Variants in CALM3 observed in about 807,000 individuals in gnomAD.
CALM3 encodes calmodulin 3.
A neutral mutation model predicts 20.1 loss-of-function variants in CALM3; 5 were observed. That is an observed-to-expected ratio of 0.25 (90% CI 0.13 to 0.52). The LOEUF (loss-of-function observed/expected upper bound fraction) is 0.52, where lower values mean the gene tolerates loss of function less well. Among genes scored for constraint, CALM3 ranks in the 20% least tolerant of loss-of-function variants. The pLI, the probability that CALM3 is intolerant of heterozygous loss-of-function variation, is 0.96. For synonymous variants in CALM3, 69 were observed against 68.1 expected, an observed-to-expected ratio of 1.01 and a Z score of -0.06; for missense variants, 57 against 192.8, an observed-to-expected ratio of 0.30 and a Z score of 4.17.
upstream of CALM3, chr19:46,601,150 G>T: frequency 1.6e-6 from 1 of 612,882 alleles, no homozygotes; most frequent in South Asian, 2.1e-5. This position sits in a 1 kb window ranked among gnomAD's most constrained non-coding sequence, Gnocchi z 4.2. Context: ...TGTGCAGGGT[G>T]GGGACGAGAG....
In CALM3 at chr19:46,605,832, C is replaced by T. The variant is rs1463101364; in HGVS notation, c.9C>T (p.Asp3=). 5.0e-6 allele frequency: 8 copies of T among 1,614,112 alleles called. No homozygotes were observed. The highest frequency in any genetic ancestry group is 6.8e-6 in the Non-Finnish European group (8 of 1,179,958). MA[D]QLTEEQIAEF... is the part of the protein sequence containing the mutation. ...TCCCCTTCATGCTTTTACAGGCTGA[C>T]CAGCTGACTGAGGAGCAGATTGCAG... is the stretch of plus-strand genomic sequence containing the variant. The change falls in exon 2 of 6, where the codon GAC becomes GAT. Residue 3 remains aspartate (D), a synonymous_variant. Transcript: ENST00000291295. This position sits in a 1 kb window ranked among gnomAD's most constrained non-coding sequence, Gnocchi z 4.1.
chr19:46,608,687 G>C lies in CALM3; in HGVS notation c.285+99G>C, dbSNP rs1971798383. ...GGAGCTACCACTTCCAGGAGGTCCGGGTCCCGGTGCCAGCCTCATTGCCAA... is the reference window on the plus strand; with the variant it reads ...GGAGCTACCACTTCCAGGAGGTCCGCGTCCCGGTGCCAGCCTCATTGCCAA... On this transcript the variant is annotated intron_variant, in intron 4 of 5. Coordinates refer to ENST00000291295, the MANE Select transcript of CALM3 (RefSeq NM_005184.4). The surrounding 1 kb of genome is among the most constrained non-coding windows in gnomAD (Gnocchi z 5.5). 7.8e-7 allele frequency: 1 copy of C among 1,276,146 alleles called. No individual in the cohort carries two copies. Among genetic ancestry groups the C allele is most frequent in the African/African-American group, 1.5e-5 (1 of 67,852 alleles). The allele number at this position is 1,276,146 out of a possible 1,614,324, so 79.1% of individuals were successfully genotyped here.
intron 2 of CALM3, chr19:46,606,261 A>C (rs1242066969): frequency 5.0e-6 from 1 of 198,394 alleles, no homozygotes; most frequent in Non-Finnish European, 1.0e-5. Context: ...CTGGCTCGTC[A>C]CTCCCACCTC....
chr19:46,603,006 G>A (rs546814939), intron 1 of CALM3, among the ~76,000 whole-genome samples: 1 of 152,306 alleles, frequency 6.6e-6, no homozygotes, highest in East Asian at 1.9e-4. Flanking sequence ...TTCCATTCAG[G>A]GCCCTCGCTG....
intron 1 of CALM3, chr19:46,602,257 T>C (rs1363317333): frequency 7.6e-7 from 1 of 1,318,494 alleles, no homozygotes; most frequent in Non-Finnish European, 1.0e-6. Context: ...ACCCTTGGGG[T>C]TAATTTGGAA....
chr19:46,609,174 G>C lies in CALM3; in HGVS notation c.*21G>C, dbSNP rs2229577. 3.2e-4 allele frequency: 517 copies of C among 1,613,098 alleles called. 5 individuals carry two copies. The East Asian group carries it at 0.011, about 34-fold the overall frequency. ...AGTGAAGGCCCCCCGGGCAGCTGGC[G>C]ATGCCCGTTCTCTTGATCTCTCTCT... On this transcript the variant is annotated 3_prime_UTR_variant, in exon 6 of 6. Coordinates refer to ENST00000291295, the MANE Select transcript of CALM3 (RefSeq NM_005184.4).
intron 1 of CALM3, among the ~76,000 whole-genome samples, chr19:46,604,236 G>A (rs186324423): frequency 5.1e-4 from 78 of 152,260 alleles, no homozygotes; most frequent in African/African-American, 1.8e-3. Context: ...CAGGACCTAA[G>A]GGATGGCTCC....
At chr19:46,606,960 G>A (rs371264300) in intron 2 of CALM3, among the ~76,000 whole-genome samples, 2 of 152,176 alleles carry the variant, frequency 1.3e-5, no homozygotes, top group African/African-American at 4.8e-5. Context: ...CCCAGCTTCT[G>A]CGGTGGGAGG....
Position 46,609,120 on chromosome 19 carries a change from C to T in CALM3, c.422-5C>T. 6.2e-7 allele frequency: 1 copy of T among 1,614,126 alleles called. No homozygotes were observed. The highest frequency in any genetic ancestry group is 8.5e-7 in the Non-Finnish European group (1 of 1,180,008). On this transcript the variant is annotated splice_region_variant and splice_polypyrimidine_tract_variant and intron_variant, in intron 5 of 5. Transcript: ENST00000291295. ...GACCTCCTCTCTCTCTGCTTCACTC[C>T]ACAGAGTTTGTACAGATGATGACTG... is the stretch of plus-strand genomic sequence containing the variant.
rs141401724 is a variant in CALM3, at chr19:46,603,137, T to C, written c.3+1700T>C. On this transcript the variant is annotated intron_variant, in intron 1 of 5. Transcript: ENST00000291295. ...TGAGCCTGGGAACCGTGTGCAGCCA[T>C]CCTCCCTGGCAAGGCTGGGGAGAAC... Among the ~76,000 whole-genome samples the C allele has an allele frequency of 2.2e-3, 340 of 152,326 alleles. 2 individuals are homozygous for C. Among genetic ancestry groups the C allele is most frequent in the African/African-American group, 7.6e-3 (314 of 41,570 alleles).
At chr19:46,601,164 C>G (rs1355608918), upstream of CALM3, 1 of 556,868 alleles carries the variant, frequency 1.8e-6, no homozygotes, top group Non-Finnish European at 3.0e-6. The surrounding 1 kb of genome is among the most constrained non-coding windows in gnomAD (Gnocchi z 4.2). Flanking sequence ...ACGAGAGATT[C>G]GCGGGCCCGT....
chr19:46,603,392 C>G (rs1394665657), intron 1 of CALM3, among the ~76,000 whole-genome samples: 2 of 152,248 alleles, frequency 1.3e-5, no homozygotes, highest in African/African-American at 4.8e-5. Flanking sequence ...TGGCCTTGGA[C>G]TTTGGCCTGA....
At chr19:46,606,657 C>T (rs1349329246) in intron 2 of CALM3, among the ~76,000 whole-genome samples, 2 of 152,176 alleles carry the variant, frequency 1.3e-5, no homozygotes, top group African/African-American at 2.4e-5. Flanking sequence ...ATCTCTCTCT[C>T]AGCAAGCTAG....
chr19:46,605,690 C>G lies in CALM3; in HGVS notation c.4-137C>G, dbSNP rs1971727723. ...GCTGGCTCTGCCTCAGACCCTGACT[C>G]TGGCATGCTCCTCCCTGGCCCGGCG... is the stretch of plus-strand genomic sequence containing the variant. On this transcript the variant is annotated intron_variant, in intron 1 of 5. Transcript: ENST00000291295. This position sits in a 1 kb window ranked among gnomAD's most constrained non-coding sequence, Gnocchi z 4.1. 1 of 754,844 alleles carries G rather than the reference C, an allele frequency of 1.3e-6. No individual in the cohort carries two copies. The highest frequency in any genetic ancestry group is 2.3e-6 in the Non-Finnish European group (1 of 436,442). 46.8% of individuals were successfully genotyped at this position (754,844 alleles called of 1,614,324 possible). A position where few individuals can be genotyped will look rare whatever the true frequency, so the allele number is the denominator to read the frequency against.
chr19:46,602,044 TG>T, intron 1 of CALM3: 1 of 440,614 alleles, frequency 2.3e-6, no homozygotes, highest in Non-Finnish European at 3.0e-6. Flanking sequence ...TGGGGGAGGG[TG>T]GGGGAGGGTG....
chr19:46,608,390 G>A lies in CALM3; in HGVS notation c.178+50G>A. The A allele has an allele frequency of 6.2e-7, 1 of 1,611,926 alleles. No individual in the cohort carries two copies. Among genetic ancestry groups the A allele is most frequent in the Non-Finnish European group, 8.5e-7 (1 of 1,178,332 alleles). ...AGCCCTGCTCCTGGTCACCCCGAGT[G>A]ACTGCAGGGAGCCTCTCTCAGGGTG... On this transcript the variant is annotated intron_variant, in intron 3 of 5. Coordinates refer to ENST00000291295, the MANE Select transcript of CALM3 (RefSeq NM_005184.4). The surrounding 1 kb of genome is among the most constrained non-coding windows in gnomAD (Gnocchi z 5.5).
intron 2 of CALM3, chr19:46,606,285 G>A (rs564518908): frequency 3.0e-4 from 52 of 176,048 alleles, no homozygotes; most frequent in Admixed American, 5.0e-4. Context: ...GCTTGCCTGC[G>A]CTTTGCACTT....
chr19:46,609,336 T>A lies in CALM3; in HGVS notation c.*183T>A. The A allele has an allele frequency of 1.5e-6, 1 of 656,170 alleles. No individual in the cohort carries two copies. Among genetic ancestry groups the A allele is most frequent in the Non-Finnish European group, 2.7e-6 (1 of 366,914 alleles). 40.6% of individuals were successfully genotyped at this position (656,170 alleles called of 1,614,324 possible). A position where few individuals can be genotyped will look rare whatever the true frequency, so the allele number is the denominator to read the frequency against. On this transcript the variant is annotated 3_prime_UTR_variant, in exon 6 of 6. Coordinates refer to ENST00000291295, the MANE Select transcript of CALM3 (RefSeq NM_005184.4). ...ATGATTGCTCTTTCTCCTTCTTCCC[T>A]GAGTCTCTCTCCATGCCCCTCATCT...
At position 46,601,797 on chromosome 19, in the gene CALM3, C is replaced by A. The variant is rs1599752246; in HGVS notation, c.3+360C>A. Among the ~76,000 whole-genome samples, 2 of 152,208 alleles carry A rather than the reference C, an allele frequency of 1.3e-5. No individual in the cohort carries two copies. The highest frequency in any genetic ancestry group is 3.9e-4 in the East Asian group (2 of 5,178). On this transcript the variant is annotated intron_variant, in intron 1 of 5. Coordinates refer to ENST00000291295, the MANE Select transcript of CALM3 (RefSeq NM_005184.4). The surrounding 1 kb of genome is among the most constrained non-coding windows in gnomAD (Gnocchi z 4.2). ...GGGTTTCAGGATGGAGGTGTTTGGA[C>A]CCCAGGGGACGAAATAAGAAAGATG...
Sources: allele counts gnomAD v4.1 joint callset (sites outside exome capture counted in the v4.1 genomes callset), GRCh38; gene constraint gnomAD v4.1.1; non-coding constraint Gnocchi (gnomAD v3.1); transcripts MANE v1.5; gene names NCBI Gene and HGNC (gene_info 2026-07-23, HGNC 2026-07-21).